The following RNF111 variants were observed in gnomAD, a reference collection of about 807,000 sequenced individuals.
The protein encoded by RNF111 is ring finger protein 111.
In RNF111, 17 loss-of-function variants were observed where a neutral mutation model predicts 95.1. That is an observed-to-expected ratio of 0.18 (90% confidence interval 0.12 to 0.27). The LOEUF (loss-of-function observed/expected upper bound fraction) is 0.27, where lower values mean the gene tolerates loss of function less well. Ranked by LOEUF, RNF111 falls within the 10% of genes least tolerant of loss-of-function variation. The pLI is 1.00. For missense variants in RNF111, 1,189 were observed against 1,210.4 expected, an observed-to-expected ratio of 0.98 and a Z score of 0.26; for synonymous variants, 440 against 414.8, an observed-to-expected ratio of 1.06 and a Z score of -0.74.
At chr15:59,081,871 A>AG (rs1479224824) in intron 8 of RNF111, among the ~76,000 whole-genome samples, 5 of 152,216 alleles carry the variant, frequency 3.3e-5, no homozygotes, top group Admixed American at 2.0e-4. Context: ...CACCAAAAAA[A>AG]GGAAGTAGCT....
At chr15:59,004,309 A>T (rs769889903) in intron 1 of RNF111, 4 of 219,820 alleles carry the variant, frequency 1.8e-5, no homozygotes, top group Non-Finnish European at 3.4e-5. Context: ...CTTGCTGTTT[A>T]GGTTTACTGA....
intron 1 of RNF111, among the ~76,000 whole-genome samples, chr15:59,008,467 G>T (rs749400348): frequency 6.6e-6 from 1 of 152,078 alleles, no homozygotes; most frequent in Non-Finnish European, 1.5e-5. Flanking sequence ...ATCCTCCTGC[G>T]TCAGCCTCCC....
chr15:59,069,105 C>A (rs2042798825), intron 6 of RNF111, among the ~76,000 whole-genome samples: 3 of 147,626 alleles, frequency 2.0e-5, no homozygotes, highest in African/African-American at 4.9e-5. Flanking sequence ...GAGTTGTATT[C>A]TCTTTGAAAA....
intron 6 of RNF111, among the ~76,000 whole-genome samples, chr15:59,070,483 A>G (rs2042868938): frequency 6.6e-6 from 1 of 152,192 alleles, no homozygotes; most frequent in Non-Finnish European, 1.5e-5. Flanking sequence ...TTTAGTCTAA[A>G]TAGTAGGGAA....
intron 2 of RNF111, among the ~76,000 whole-genome samples, chr15:59,048,930 A>AAAAC (rs770907486): frequency 2.8e-4 from 42 of 152,032 alleles, no homozygotes; most frequent in Middle Eastern, 3.4e-3. Context: ...GTCTCTTTAA[A>AAAAC]AAACAAACAA....
At position 59,052,315 on chromosome 15, in the gene RNF111, T is replaced by C; in HGVS notation, c.891T>C (p.Asp297=). 6.3e-7 allele frequency: 1 copy of C among 1,583,758 alleles called. No homozygotes were observed. Among genetic ancestry groups the C allele is most frequent in the Non-Finnish European group, 8.6e-7 (1 of 1,167,742 alleles). The change falls in exon 3 of 14, where the codon GAT becomes GAC. Residue 297 remains aspartate (D), a synonymous_variant. Coordinates refer to ENST00000348370, the MANE Select transcript of RNF111 (RefSeq NM_017610.8). ...TCTTTTTGTTTCCAGGAAGTATTGA[T>C]GAAGATGTTGTGGTGATAGAAGCTT... ...NNPAVPSGSI[D]EDVVVIEASS...
intron 2 of RNF111, among the ~76,000 whole-genome samples, chr15:59,046,932 G>C (rs934238210): frequency 1.1e-4 from 16 of 151,982 alleles, no homozygotes; most frequent in African/African-American, 3.4e-4. Flanking sequence ...CAATGGCACA[G>C]TCTCGGCTCA....
chr15:59,012,003 C>T (rs1293285799), intron 1 of RNF111, among the ~76,000 whole-genome samples: 5 of 40,446 alleles, frequency 1.2e-4, no homozygotes, highest in Admixed American at 5.0e-4. Flanking sequence ...GTTTGTTTGC[C>T]TTTTTTTTTT....
At chr15:59,004,280 T>C (rs1165051310) in intron 1 of RNF111, 1 of 302,628 alleles carries the variant, frequency 3.3e-6, no homozygotes, top group Non-Finnish European at 5.3e-6. Flanking sequence ...TCTCTTTTTA[T>C]TATCTCCAAC....
intron 8 of RNF111, among the ~76,000 whole-genome samples, chr15:59,083,488 A>C (rs186812875): frequency 2.6e-5 from 4 of 152,146 alleles, no homozygotes; most frequent in Non-Finnish European, 5.9e-5. Context: ...CAGTGAGCCA[A>C]GATTGCCACT....
intron 1 of RNF111, among the ~76,000 whole-genome samples, chr15:59,023,382 A>G (rs1316284591): frequency 6.6e-6 from 1 of 152,188 alleles, no homozygotes; most frequent in Non-Finnish European, 1.5e-5. Context: ...GTTTTCATGT[A>G]GGTCCTTTGT....
intron 1 of RNF111, among the ~76,000 whole-genome samples, chr15:59,025,436 T>C (rs1567221349): frequency 6.6e-6 from 1 of 152,196 alleles, no homozygotes. Context: ...ATTTAGAATA[T>C]GTAACAAAGC....
rs140481963 is a variant in RNF111 at position 59,072,653 on chromosome 15, C to T, written c.1687-3301C>T. ...TTTTTTAGTAGAGACGGGGTTTCAC[C>T]GTGATAGCCACGTTGGTCTCAATCT... On this transcript the variant is annotated intron_variant, in intron 6 of 13. Coordinates refer to ENST00000348370, the MANE Select transcript of RNF111 (RefSeq NM_017610.8). Among the ~76,000 whole-genome samples the T allele has an allele frequency of 7.8e-3, 1,186 of 151,532 alleles. 10 individuals carry two copies. Among genetic ancestry groups the T allele is most frequent in the Non-Finnish European group, 0.013 (855 of 67,840 alleles).
chr15:59,057,832 A>G (rs1203785953), intron 4 of RNF111, among the ~76,000 whole-genome samples: 1 of 152,254 alleles, frequency 6.6e-6, no homozygotes, highest in Non-Finnish European at 1.5e-5. Context: ...AGTTCTATGA[A>G]GAAAATTCTG....
At chr15:59,046,633 G>C (rs1284775905) in intron 2 of RNF111, among the ~76,000 whole-genome samples, 1 of 152,138 alleles carries the variant, frequency 6.6e-6, no homozygotes, top group African/African-American at 2.4e-5. Flanking sequence ...CTAGAATAAG[G>C]CATAGGAGAA....
chr15:59,033,058 T>C (rs1240358556), intron 2 of RNF111, among the ~76,000 whole-genome samples: 1 of 152,240 alleles, frequency 6.6e-6, no homozygotes, highest in Non-Finnish European at 1.5e-5. Context: ...ATTGAAGAGC[T>C]GTCTGAACTG....
At position 59,085,398 on chromosome 15, in the gene RNF111, A is replaced by G. The variant is rs1035842148; in HGVS notation, c.2424-261A>G. 10 of 214,882 alleles carry G rather than the reference A, an allele frequency of 4.7e-5. No individual in the cohort carries two copies. The Middle Eastern group carries it at 5.2e-3, about 112-fold the overall frequency. 13.3% of individuals were successfully genotyped at this position (214,882 alleles called of 1,614,324 possible). ...TATCTTGGAAGGGAACTTCGTAGCC[A>G]TATATTTCCTTCCTTTGTAAGATGT... On this transcript the variant is annotated intron_variant, in intron 9 of 13. Transcript: ENST00000348370.
intron 5 of RNF111, among the ~76,000 whole-genome samples, chr15:59,064,842 G>C (rs532030810): frequency 5.3e-5 from 8 of 152,088 alleles, no homozygotes; most frequent in African/African-American, 1.9e-4. Flanking sequence ...GGAAAGGCAG[G>C]ATAAGACATG....
At chr15:59,012,748 T>TC (rs1277524060) in intron 1 of RNF111, among the ~76,000 whole-genome samples, 1 of 151,712 alleles carries the variant, frequency 6.6e-6, no homozygotes, top group African/African-American at 2.4e-5. Flanking sequence ...TTTTTCTTTT[T>TC]TTTTTTTTGA....
Sources: gnomAD v4.1 joint callset for allele counts (sites outside exome capture counted in the v4.1 genomes callset) on GRCh38, gnomAD v4.1.1 for gene constraint, MANE v1.5 for transcripts, NCBI Gene and HGNC (gene_info 2026-07-23, HGNC 2026-07-21) for gene names.